The following KIF26B variants were observed in gnomAD, a reference collection of about 807,000 sequenced individuals.
KIF26B encodes the protein kinesin family member 26B.
In KIF26B, 63 loss-of-function variants were observed where a neutral mutation model predicts 151.2. The ratio of observed to expected loss-of-function variants is 0.42; its 90% CI spans 0.34 to 0.51. The LOEUF is 0.51. Among genes scored for constraint, KIF26B ranks in the 20% least tolerant of loss-of-function variants. The pLI is 0.07. For synonymous variants in KIF26B, 1,357 were observed against 1,262.1 expected (o/e 1.08, Z -1.59); for missense variants, 2,813 against 2,913.6 (o/e 0.97, Z 0.79).
intron 14 of KIF26B, among the ~76,000 whole-genome samples, chr1:245,701,149 CTG>C (rs1156621009): frequency 6.6e-6 from 1 of 152,092 alleles, no homozygotes; most frequent in Non-Finnish European, 1.5e-5. Context: ...TCAAAAATCA[CTG>C]TGTTTTTGAT....
chr1:245,279,743 CTT>C (rs796421302), intron 2 of KIF26B, among the ~76,000 whole-genome samples: 7 of 145,002 alleles, frequency 4.8e-5, no homozygotes, highest in Admixed American at 6.9e-5. Context: ...AGTAATCACT[CTT>C]TTTTTTTTTT....
intron 2 of KIF26B, among the ~76,000 whole-genome samples, chr1:245,165,125 T>G (rs1668594652): frequency 1.4e-5 from 2 of 145,864 alleles, no homozygotes; most frequent in Admixed American, 6.8e-5. Context: ...GTTGGAAGAG[T>G]GGTGTCACCG....
chr1:245,482,640 G>A (rs1660192059), intron 4 of KIF26B, among the ~76,000 whole-genome samples: 1 of 151,766 alleles, frequency 6.6e-6, no homozygotes, highest in South Asian at 2.1e-4. Context: ...CAGCTGGGTA[G>A]GAGAGGGTTG....
At chr1:245,185,860 T>C (rs1270682572) in intron 2 of KIF26B, among the ~76,000 whole-genome samples, 1 of 151,600 alleles carries the variant, frequency 6.6e-6, no homozygotes, top group Non-Finnish European at 1.5e-5. Flanking sequence ...TTATATTTTC[T>C]TTTTATTATT....
intron 2 of KIF26B, among the ~76,000 whole-genome samples, chr1:245,359,210 G>T (rs754709752): frequency 6.6e-6 from 1 of 152,056 alleles, no homozygotes; most frequent in Non-Finnish European, 1.5e-5. Context: ...GTAGAGACGG[G>T]GTTTCACTAT....
At chr1:245,473,133 G>A (rs1021351414) in intron 4 of KIF26B, among the ~76,000 whole-genome samples, 4 of 152,220 alleles carry the variant, frequency 2.6e-5, no homozygotes, top group African/African-American at 7.2e-5. Context: ...GTGGGAAAAT[G>A]TAGAGGTGTC....
chr1:245,485,384 C>CTT (rs367794115), intron 4 of KIF26B, among the ~76,000 whole-genome samples: 7,714 of 62,478 alleles, frequency 0.12, 248 homozygotes, highest in Admixed American at 0.19. Context: ...TTCCTAGCAT[C>CTT]ATTTTTTTTT....
intron 2 of KIF26B, among the ~76,000 whole-genome samples, chr1:245,181,828 A>G (rs1328305294): frequency 6.6e-6 from 1 of 152,174 alleles, no homozygotes; most frequent in Non-Finnish European, 1.5e-5. Flanking sequence ...AGGCAGGGAC[A>G]GTGAGATGGC....
chr1:245,676,235 C>T (rs1035569194), intron 10 of KIF26B: 2 of 152,212 alleles, frequency 1.3e-5, no homozygotes, highest in African/African-American at 4.8e-5. Context: ...CATGAATATA[C>T]ACTTCCTGAG....
chr1:245,194,450 T>A (rs1242798705), intron 2 of KIF26B, among the ~76,000 whole-genome samples: 2 of 152,172 alleles, frequency 1.3e-5, no homozygotes, highest in South Asian at 2.1e-4. Flanking sequence ...CGGTGCAAAC[T>A]CGGCTCACTG....
chr1:245,241,831 G>A lies in KIF26B; in HGVS notation c.465+85148G>A, dbSNP rs1670215496. ...TGCTTGCTTTGGGGACTCGGCCCTG[G>A]TGGATCCCCTTAGCCTGTGGTATGA... On this transcript the variant is annotated intron_variant, in intron 2 of 14. Coordinates refer to ENST00000407071, the MANE Select transcript of KIF26B (RefSeq NM_018012.4). This position sits in a 1 kb window ranked among gnomAD's most constrained non-coding sequence, Gnocchi z 5.0. Among the ~76,000 whole-genome samples, 1 of 152,166 alleles carries A rather than the reference G, an allele frequency of 6.6e-6. No homozygotes were observed. Among genetic ancestry groups the A allele is most frequent in the African/African-American group, 2.4e-5 (1 of 41,448 alleles).
At chr1:245,653,227 C>T (rs903755173) in intron 10 of KIF26B, among the ~76,000 whole-genome samples, 12 of 152,126 alleles carry the variant, frequency 7.9e-5, no homozygotes, top group African/African-American at 2.9e-4. Context: ...CTTCCTTCCT[C>T]CCTTGGAGGA....
rs2044023109 is a variant in KIF26B at position 245,652,105 on chromosome 1, T to TGTGG, written c.2258+5828_2258+5829insGGTG. ...ACGGAGAGGTTCATGTAAGAATCTG[T>TGTGG]GTGTGTGTGTGTGTGTGTGTGTGTG... On this transcript the variant is annotated intron_variant, in intron 10 of 14. Transcript: ENST00000407071. Among the ~76,000 whole-genome samples the TGTGG allele has an allele frequency of 3.1e-4, 13 of 41,436 alleles. No homozygotes were observed. The South Asian group carries it at 7.3e-3, about 23-fold the overall frequency. The allele number at this position is 41,436 out of a possible 152,430, so 27.2% of individuals were successfully genotyped here.
intron 2 of KIF26B, among the ~76,000 whole-genome samples, chr1:245,347,991 AT>A (rs1672488065): frequency 6.6e-6 from 1 of 152,146 alleles, no homozygotes; most frequent in Non-Finnish European, 1.5e-5. Context: ...AGGTTGAAGA[AT>A]TTACCTTCTA....
intron 4 of KIF26B, among the ~76,000 whole-genome samples, chr1:245,423,667 G>A (rs1773826): frequency 0.12 from 18,961 of 151,964 alleles, 1,529 homozygotes; most frequent in African/African-American, 0.22. Context: ...TTGCTCTTGA[G>A]GATTCCTACC....
At chr1:245,584,183 C>T (rs2043202878) in intron 5 of KIF26B, among the ~76,000 whole-genome samples, 1 of 152,146 alleles carries the variant, frequency 6.6e-6, no homozygotes, top group South Asian at 2.1e-4. Context: ...CCTGCCCCGT[C>T]TCATGCTCCC....
intron 5 of KIF26B, among the ~76,000 whole-genome samples, chr1:245,548,247 G>T (rs540170178): frequency 6.6e-6 from 1 of 152,104 alleles, no homozygotes; most frequent in East Asian, 1.9e-4. Flanking sequence ...TTCAGTGCCA[G>T]CTCAGTGCTA....
At chr1:245,302,010 T>G (rs984063358) in intron 2 of KIF26B, among the ~76,000 whole-genome samples, 4 of 152,240 alleles carry the variant, frequency 2.6e-5, no homozygotes, top group Non-Finnish European at 5.9e-5. Flanking sequence ...TCTCATTGTT[T>G]TCTGTCAGTG....
chr1:245,484,158 C>A (rs1367466295), intron 4 of KIF26B, among the ~76,000 whole-genome samples: 1 of 151,840 alleles, frequency 6.6e-6, no homozygotes, highest in Non-Finnish European at 1.5e-5. Context: ...TCTTCTCTTT[C>A]CCTTTACCTG....
Sources: allele counts gnomAD v4.1 joint callset (sites outside exome capture counted in the v4.1 genomes callset), GRCh38; gene constraint gnomAD v4.1.1; non-coding constraint Gnocchi (gnomAD v3.1); transcripts MANE v1.5; gene names NCBI Gene and HGNC (gene_info 2026-07-23, HGNC 2026-07-21).